PRKCH: variants seen among roughly 807,000 people sequenced by gnomAD.
PRKCH encodes the protein protein kinase C eta type.
In PRKCH, 28 loss-of-function variants were observed where a neutral mutation model predicts 82.5. That is an observed-to-expected ratio of 0.34 (90% CI 0.25 to 0.47). The LOEUF is 0.47. PRKCH is among the 20% of genes least tolerant of loss of function. The pLI is 1.00. For missense variants in PRKCH, 705 were observed against 881.8 expected (o/e 0.80, Z 2.54); for synonymous variants, 322 against 327.4 (o/e 0.98, Z 0.18).
chr14:61,224,576 C>T (rs925195943), intron 1 of PRKCH, among the ~76,000 whole-genome samples: 2 of 152,086 alleles, frequency 1.3e-5, no homozygotes, highest in African/African-American at 4.8e-5. Context: ...AATGTCCCTC[C>T]GTTGGGGTTT....
At chr14:61,373,139 C>T (rs2046385031) in intron 1 of PRKCH, among the ~76,000 whole-genome samples, 1 of 151,850 alleles carries the variant, frequency 6.6e-6, no homozygotes, top group Admixed American at 6.6e-5. Flanking sequence ...GAATCTGGTT[C>T]CCAAGAACTG....
intron 12 of PRKCH, among the ~76,000 whole-genome samples, chr14:61,538,408 C>A (rs2043140698): frequency 6.6e-6 from 1 of 152,132 alleles, no homozygotes. Context: ...ACTGCTCTTC[C>A]CAGAGATTTT....
chr14:61,474,284 G>A (rs960692835), intron 9 of PRKCH, among the ~76,000 whole-genome samples: 21 of 152,254 alleles, frequency 1.4e-4, no homozygotes, highest in African/African-American at 5.1e-4. Flanking sequence ...ACTGAAGCTT[G>A]CCTTCAAAGT....
At chr14:61,423,597 G>C (rs1216541522) in intron 2 of PRKCH, among the ~76,000 whole-genome samples, 1 of 152,174 alleles carries the variant, frequency 6.6e-6, no homozygotes, top group Admixed American at 6.5e-5. Context: ...AGTGACATGA[G>C]TGGAATCCTG....
At chr14:61,426,241 T>C (rs368501661) in intron 2 of PRKCH, among the ~76,000 whole-genome samples, 33 of 152,322 alleles carry the variant, frequency 2.2e-4, no homozygotes, top group African/African-American at 6.3e-4. Flanking sequence ...TAGAGGAACA[T>C]TTACATGTCG....
chr14:61,262,039 G>A (rs1326063000), intron 1 of PRKCH, among the ~76,000 whole-genome samples: 3 of 151,954 alleles, frequency 2.0e-5, no homozygotes, highest in Admixed American at 6.6e-5. Flanking sequence ...GGCCAACATG[G>A]TGAAACCCCA....
chr14:61,454,509 A>G (rs890934573), intron 7 of PRKCH, among the ~76,000 whole-genome samples: 9 of 152,282 alleles, frequency 5.9e-5, no homozygotes, highest in Admixed American at 5.9e-4. Flanking sequence ...AGGACAGGTG[A>G]CCAGTAACTA....
intron 1 of PRKCH, among the ~76,000 whole-genome samples, chr14:61,209,989 A>AGCACTTT (rs2044556903): frequency 6.6e-6 from 1 of 151,506 alleles, no homozygotes; most frequent in Non-Finnish European, 1.5e-5. Context: ...TTATAATCCC[A>AGCACTTT]GCACTTTGGG....
At chr14:61,262,706 T>C (rs2045060509) in intron 1 of PRKCH, among the ~76,000 whole-genome samples, 1 of 151,950 alleles carries the variant, frequency 6.6e-6, no homozygotes, top group Non-Finnish European at 1.5e-5. Flanking sequence ...TCAAGGTTTT[T>C]AAAAATTGAA....
chr14:61,434,571 A>G (rs1883585805), intron 2 of PRKCH, among the ~76,000 whole-genome samples: 1 of 152,260 alleles, frequency 6.6e-6, no homozygotes. Flanking sequence ...AATTCTGAAC[A>G]TTTTTGTAGA....
intron 1 of PRKCH, among the ~76,000 whole-genome samples, chr14:61,247,434 A>T (rs2044895498): frequency 2.6e-5 from 4 of 152,096 alleles, no homozygotes; most frequent in Non-Finnish European, 5.9e-5. Context: ...TGGTAGAATG[A>T]ATGAAAGGAA....
chr14:61,444,301 C>A (rs935002961), intron 3 of PRKCH, among the ~76,000 whole-genome samples: 1 of 152,036 alleles, frequency 6.6e-6, no homozygotes, highest in African/African-American at 2.4e-5. Context: ...GCAGCCCTGG[C>A]GTCTTTGAGT....
At chr14:61,494,981 G>A (rs1425814894) in intron 10 of PRKCH, among the ~76,000 whole-genome samples, 1 of 152,212 alleles carries the variant, frequency 6.6e-6, no homozygotes, top group Non-Finnish European at 1.5e-5. Flanking sequence ...GTGACAGGTT[G>A]TACAACCTGA....
At chr14:61,229,394 A>G (rs1332238871) in intron 1 of PRKCH, among the ~76,000 whole-genome samples, 1 of 152,180 alleles carries the variant, frequency 6.6e-6, no homozygotes, top group Middle Eastern at 3.2e-3. Context: ...AGCTGCCTGA[A>G]TAAAATTCTG....
rs767264539 is a variant in PRKCH, at chr14:61,280,624, G to T, written c.-19+92956G>T. 4 of 1,578,816 alleles carry T rather than the reference G, an allele frequency of 2.5e-6. No homozygotes were observed. The highest frequency in any genetic ancestry group is 1.3e-5 in the African/African-American group (1 of 74,202). ...GCCGGGCTGGCGCTGGTGCCAAAGC[G>T]AGAAGGAGTCGTTGAAGAGGCTGTT... is the stretch of plus-strand genomic sequence containing the variant. On this transcript the variant is annotated intron_variant, in intron 1 of 3. Transcript: ENST00000555185. This position sits in a 1 kb window ranked among gnomAD's most constrained non-coding sequence, Gnocchi z 5.0.
intron 2 of PRKCH, among the ~76,000 whole-genome samples, chr14:61,428,114 T>C (rs201108505): frequency 0.11 from 3,565 of 31,642 alleles, 75 homozygotes; most frequent in South Asian, 0.34. Context: ...TATACACACA[T>C]ATATATATAT....
chr14:61,504,786 C>T (rs1476345151), intron 10 of PRKCH, among the ~76,000 whole-genome samples: 1 of 152,132 alleles, frequency 6.6e-6, no homozygotes, highest in African/African-American at 2.4e-5. Context: ...TTCCCTTACG[C>T]CTCTTGTTTT....
At chr14:61,546,932 T>C (rs1453994086) in intron 12 of PRKCH, among the ~76,000 whole-genome samples, 1 of 152,218 alleles carries the variant, frequency 6.6e-6, no homozygotes, top group Non-Finnish European at 1.5e-5. Context: ...CCTGGCTATT[T>C]TGTGAAAGCA....
intron 1 of PRKCH, among the ~76,000 whole-genome samples, chr14:61,232,144 C>T (rs2044750011): frequency 6.6e-6 from 1 of 152,222 alleles, no homozygotes; most frequent in Admixed American, 6.5e-5. Context: ...CCCACAATCC[C>T]CCACTACGGT....
Sources: gnomAD v4.1 joint callset for allele counts (sites outside exome capture counted in the v4.1 genomes callset) on GRCh38, gnomAD v4.1.1 for gene constraint, Gnocchi (gnomAD v3.1) non-coding constraint, MANE v1.5 for transcripts, NCBI Gene and HGNC (gene_info 2026-07-23, HGNC 2026-07-21) for gene names.